Variants in KCTD1 observed in about 807,000 individuals in gnomAD.
The protein encoded by KCTD1 is potassium channel tetramerization domain containing 1.
A neutral mutation model predicts 66.0 loss-of-function variants in KCTD1; 24 were observed. That is an observed-to-expected ratio of 0.36 (90% confidence interval 0.26 to 0.51). The LOEUF (loss-of-function observed/expected upper bound fraction) is 0.51. KCTD1 is among the 20% of genes least tolerant of loss of function. The pLI is 0.95. For synonymous variants in KCTD1, 511 were observed against 517.2 expected (o/e 0.99, Z 0.16); for missense variants, 943 against 1,205.2 (o/e 0.78, Z 3.22).
At chr18:26,499,711 G>A (rs1295568888) in intron 2 of KCTD1, among the ~76,000 whole-genome samples, 1 of 152,202 alleles carries the variant, frequency 6.6e-6, no homozygotes, top group Admixed American at 6.5e-5. Flanking sequence ...TACTTAGACT[G>A]TAAGCTATCT....
upstream of KCTD1, among the ~76,000 whole-genome samples, chr18:26,644,055 T>A (rs562706457): frequency 6.6e-6 from 1 of 152,312 alleles, no homozygotes; most frequent in South Asian, 2.1e-4. Flanking sequence ...TCACCTGCTT[T>A]AATTTTTTTG....
intron 1 of KCTD1, among the ~76,000 whole-genome samples, chr18:26,522,624 A>G (rs566111900): frequency 6.6e-6 from 1 of 152,144 alleles, no homozygotes; most frequent in Non-Finnish European, 1.5e-5. Flanking sequence ...TAACTTTCTC[A>G]GGTTTAATCA....
chr18:26,509,609 T>C (rs1031511898), intron 1 of KCTD1, among the ~76,000 whole-genome samples: 1 of 152,164 alleles, frequency 6.6e-6, no homozygotes, highest in African/African-American at 2.4e-5. Flanking sequence ...TAAAATCATC[T>C]AAAATTAAGT....
intron 1 of KCTD1, among the ~76,000 whole-genome samples, chr18:26,594,988 C>G (rs1418806825): frequency 6.6e-6 from 1 of 152,000 alleles, no homozygotes; most frequent in Non-Finnish European, 1.5e-5. Context: ...TCCTCTCCCC[C>G]AACTCCTCCC....
chr18:26,513,447 A>G (rs779102410), intron 1 of KCTD1, among the ~76,000 whole-genome samples: 1 of 152,174 alleles, frequency 6.6e-6, no homozygotes, highest in East Asian at 1.9e-4. Flanking sequence ...CATTACAAAG[A>G]TCACACTTCT....
intron 1 of KCTD1, among the ~76,000 whole-genome samples, chr18:26,522,368 G>T (rs757784122): frequency 6.6e-6 from 1 of 152,158 alleles, no homozygotes; most frequent in East Asian, 1.9e-4. Context: ...ACCAAAGATT[G>T]CCAGCAACCC....
intron 1 of KCTD1, among the ~76,000 whole-genome samples, chr18:26,603,840 T>C (rs996848331): frequency 7.2e-5 from 11 of 151,868 alleles, no homozygotes; most frequent in African/African-American, 2.4e-4. Flanking sequence ...TACCAGCCCA[T>C]ACATTGGAAA....
At chr18:26,512,229 G>A (rs1278840051) in intron 1 of KCTD1, among the ~76,000 whole-genome samples, 2 of 151,838 alleles carry the variant, frequency 1.3e-5, no homozygotes, top group East Asian at 1.9e-4. Flanking sequence ...TCAGCCTCCC[G>A]AGTAGCTGGG....
intron 1 of KCTD1, among the ~76,000 whole-genome samples, chr18:26,612,490 C>T (rs1007422627): frequency 2.6e-5 from 4 of 152,146 alleles, no homozygotes; most frequent in African/African-American, 9.7e-5. Flanking sequence ...GAAGAGGAAA[C>T]TTGGACAGAG....
chr18:26,483,630 T>C (rs1475621378), intron 2 of KCTD1, among the ~76,000 whole-genome samples: 1 of 152,262 alleles, frequency 6.6e-6, no homozygotes, highest in East Asian at 1.9e-4. Flanking sequence ...TACTTTTTTA[T>C]GGTTACTAAT....
intron 1 of KCTD1, among the ~76,000 whole-genome samples, chr18:26,651,470 A>G (rs1988032166): frequency 6.6e-6 from 1 of 152,122 alleles, no homozygotes; most frequent in Admixed American, 6.5e-5. Context: ...ACACTGATGG[A>G]AGAGTCTGAG....
chr18:26,601,326 T>TTAAAAAAA (rs1555646203), intron 1 of KCTD1, among the ~76,000 whole-genome samples: 67 of 93,242 alleles, frequency 7.2e-4, no homozygotes, highest in East Asian at 4.0e-3. Context: ...TGTTCATTGG[T>TTAAAAAAA]AAAAAAAAAA....
At chr18:26,543,498 C>T (rs1985070812) in intron 1 of KCTD1, 1 of 152,224 alleles carries the variant, frequency 6.6e-6, no homozygotes, top group Non-Finnish European at 1.5e-5. Flanking sequence ...TCTTCCTTGC[C>T]CCTATAGCAC....
intron 3 of KCTD1, among the ~76,000 whole-genome samples, chr18:26,472,944 C>T (rs140074937): frequency 7.6e-4 from 116 of 152,318 alleles, no homozygotes; most frequent in African/African-American, 2.6e-3. Context: ...AATCAGTCCC[C>T]TTGATCATGT....
intron 1 of KCTD1, among the ~76,000 whole-genome samples, chr18:26,627,259 GTT>G (rs1256376048): frequency 1.1e-5 from 1 of 91,628 alleles, no homozygotes; most frequent in African/African-American, 4.0e-5. Flanking sequence ...AATCTTCTGG[GTT>G]TTGTGTGTGT....
At chr18:26,498,954 T>G (rs1982618819) in intron 2 of KCTD1, among the ~76,000 whole-genome samples, 2 of 152,178 alleles carry the variant, frequency 1.3e-5, no homozygotes, top group Admixed American at 6.5e-5. Flanking sequence ...GTCTTCTACT[T>G]TGGCCAGGAG....
chr18:26,547,072 G>T lies in KCTD1; in HGVS notation c.1465C>A (p.Arg489=). ...CYAEALNGAA[R]HHSHHPPTHP... Reference sequence around the variant, plus strand: ...GTGGGGGGGTGGTGGGAGTGGTGCCGTGCCGCCCCGTTCAGAGCCTCGGCG... The same window carrying T: ...GTGGGGGGGTGGTGGGAGTGGTGCCTTGCCGCCCCGTTCAGAGCCTCGGCG... Residue 489 remains arginine, a synonymous_variant, in exon 1 of 5, where the codon CGG becomes AGG. Transcript: ENST00000580059. The T allele has an allele frequency of 6.5e-7, 1 of 1,531,360 alleles. No homozygotes were observed. The highest frequency in any genetic ancestry group is 8.8e-7 in the Non-Finnish European group (1 of 1,140,152). 94.9% of individuals were successfully genotyped at this position (1,531,360 alleles called of 1,614,324 possible). A position where few individuals can be genotyped will look rare whatever the true frequency, so the allele number is the denominator to read the frequency against.
chr18:26,651,570 G>A (rs1988034293), intron 1 of KCTD1, among the ~76,000 whole-genome samples: 1 of 152,006 alleles, frequency 6.6e-6, no homozygotes, highest in African/African-American at 2.4e-5. Flanking sequence ...GATCACTTGA[G>A]GTCAGGAGTT....
At chr18:26,457,197 C>CCCAAA (rs895166789) in intron 4 of KCTD1, 4 of 151,858 alleles carry the variant, frequency 2.6e-5, no homozygotes, top group African/African-American at 9.7e-5. Flanking sequence ...ACAAAATTAA[C>CCCAAA]ATTCTACCCA....
Sources: gnomAD v4.1 joint callset for allele counts (sites outside exome capture counted in the v4.1 genomes callset) on GRCh38, gnomAD v4.1.1 for gene constraint, MANE v1.5 for transcripts, NCBI Gene and HGNC (gene_info 2026-07-23, HGNC 2026-07-21) for gene names.